Variants in ADGRL2 observed in about 807,000 individuals in gnomAD.
ADGRL2 encodes calcium-independent alpha-latrotoxin receptor 2.
A neutral mutation model predicts 157.4 loss-of-function variants in ADGRL2; 44 were observed. The observed-to-expected ratio is 0.28, with a 90% CI of 0.22 to 0.36. The LOEUF is 0.36. Ranked by LOEUF, ADGRL2 falls within the 10% of genes least tolerant of loss-of-function variation. The pLI, the probability that ADGRL2 is intolerant of heterozygous loss-of-function variation, is 1.00. For synonymous variants in ADGRL2, 585 were observed against 624.7 expected (o/e 0.94, Z 0.95); for missense variants, 1,510 against 1,768.9 (o/e 0.85, Z 2.63).
chr1:81,578,987 C>G (rs1175659716), intron 2 of ADGRL2, among the ~76,000 whole-genome samples: 1 of 152,052 alleles, frequency 6.6e-6, no homozygotes, highest in South Asian at 2.1e-4. Context: ...GATGCTTTTC[C>G]CCAAACACTC....
chr1:81,470,710 A>T (rs2078153146), intron 2 of ADGRL2, among the ~76,000 whole-genome samples: 1 of 152,220 alleles, frequency 6.6e-6, no homozygotes, highest in South Asian at 2.1e-4. Context: ...ATGTCACATG[A>T]TGATGGATGT....
At chr1:81,528,120 T>C (rs186150330) in intron 2 of ADGRL2, among the ~76,000 whole-genome samples, 256 of 152,260 alleles carry the variant, frequency 1.7e-3, no homozygotes, top group African/African-American at 5.8e-3. Flanking sequence ...AGTGAACCCT[T>C]ACCAGACAAC....
At chr1:81,648,391 C>T (rs1220123414) in intron 3 of ADGRL2, among the ~76,000 whole-genome samples, 1 of 152,214 alleles carries the variant, frequency 6.6e-6, no homozygotes, top group South Asian at 2.1e-4. Context: ...CGGTGTGCTG[C>T]CTTCTGCTAC....
intron 2 of ADGRL2, among the ~76,000 whole-genome samples, chr1:81,844,503 C>T (rs1191860636): frequency 6.6e-6 from 1 of 152,208 alleles, no homozygotes; most frequent in Non-Finnish European, 1.5e-5. Flanking sequence ...TCTCAAAAAA[C>T]TGATTTATCT....
Position 81,554,453 on chromosome 1 carries a change from T to C in ADGRL2, c.-247-26423T>C, listed in dbSNP as rs147687621. Reference sequence around the variant, plus strand: ...CCGTAGTTCCTTTCACCTGTCCTGCTATTTCCCCTCTTAGCTATTACTTTC... The same window carrying C: ...CCGTAGTTCCTTTCACCTGTCCTGCCATTTCCCCTCTTAGCTATTACTTTC... On this transcript the variant is annotated intron_variant, in intron 2 of 24. Transcript: ENST00000370721. Among the ~76,000 whole-genome samples the C allele has an allele frequency of 1.8e-4, 27 of 152,132 alleles. 1 individual carries two copies. The East Asian group carries it at 4.8e-3, about 27-fold the overall frequency.
rs569254980 is a variant in ADGRL2 at position 81,540,311 on chromosome 1, T to A, written c.-247-40565T>A. 1.1e-4 allele frequency among the ~76,000 whole-genome samples: 16 copies of A among 152,240 alleles called. No individual in the cohort carries two copies. In the South Asian group the frequency reaches 2.3e-3, roughly 22 times the overall value. On this transcript the variant is annotated intron_variant, in intron 2 of 24. Coordinates refer to the ADGRL2 transcript ENST00000370721. ...AACATGGAATTTAATGGAAAAAAAATTTACTTTAGATTTTTGTCATAATGC... is the reference window on the plus strand; with the variant it reads ...AACATGGAATTTAATGGAAAAAAAAATTACTTTAGATTTTTGTCATAATGC...
At chr1:81,356,143 A>G (rs1381717455) in intron 1 of ADGRL2, among the ~76,000 whole-genome samples, 3 of 152,030 alleles carry the variant, frequency 2.0e-5, no homozygotes, top group Non-Finnish European at 4.4e-5. Context: ...TGTTACTCTC[A>G]CTCCCACCTC....
intron 1 of ADGRL2, among the ~76,000 whole-genome samples, chr1:81,811,512 T>C (rs1273945709): frequency 1.3e-5 from 2 of 151,764 alleles, no homozygotes; most frequent in Admixed American, 1.3e-4. Flanking sequence ...TTCTTAACTT[T>C]CTGTTTTTTG....
At position 81,736,935 on chromosome 1, in the gene ADGRL2, C is replaced by G. The variant is rs149407118; in HGVS notation, c.-142-24876C>G. Among the ~76,000 whole-genome samples, 10 of 152,184 alleles carry G rather than the reference C, an allele frequency of 6.6e-5. No homozygotes were observed. The East Asian group carries it at 1.9e-3, about 29-fold the overall frequency. The stretch of plus-strand genomic sequence containing the variant: ...CTGCAACCTCTGTCTCCCGGGTTCA[C>G]GCCATTCTCCTGCCACAGCCTCTGG... On this transcript the variant is annotated intron_variant, in intron 1 of 20. Transcript: ENST00000359929.
chr1:81,677,719 A>C (rs1431273465), intron 3 of ADGRL2, among the ~76,000 whole-genome samples: 1 of 152,008 alleles, frequency 6.6e-6, no homozygotes, highest in Non-Finnish European at 1.5e-5. Flanking sequence ...CGTGTAATTC[A>C]CCCTTACCCG....
At chr1:81,759,354 G>T (rs914153757) in intron 1 of ADGRL2, among the ~76,000 whole-genome samples, 1 of 152,048 alleles carries the variant, frequency 6.6e-6, no homozygotes. Flanking sequence ...GGATAAAAAT[G>T]ATTGCTATCT....
chr1:81,463,230 A>C (rs907568626), intron 2 of ADGRL2, among the ~76,000 whole-genome samples: 1 of 151,866 alleles, frequency 6.6e-6, no homozygotes, highest in Admixed American at 6.6e-5. Context: ...AGTTGGTGTC[A>C]GACAGATGTG....
intron 1 of ADGRL2, among the ~76,000 whole-genome samples, chr1:81,820,072 C>A (rs1484902821): frequency 6.6e-6 from 1 of 152,058 alleles, no homozygotes; most frequent in Admixed American, 6.6e-5. Flanking sequence ...CTCTTCATAC[C>A]CAGCAATAGT....
intron 1 of ADGRL2, among the ~76,000 whole-genome samples, chr1:81,802,225 C>T (rs577123249): frequency 6.6e-6 from 1 of 152,018 alleles, no homozygotes; most frequent in East Asian, 1.9e-4. Flanking sequence ...CGCTCGCAGA[C>T]GGAGGTAAGA....
intron 2 of ADGRL2, among the ~76,000 whole-genome samples, chr1:81,870,508 C>T (rs2150995293): frequency 6.6e-6 from 1 of 152,162 alleles, no homozygotes; most frequent in East Asian, 1.9e-4. Context: ...CACATTAAAA[C>T]TTCACATTTT....
At chr1:81,406,608 T>G (rs2076857774) in intron 1 of ADGRL2, among the ~76,000 whole-genome samples, 1 of 152,198 alleles carries the variant, frequency 6.6e-6, no homozygotes, top group Admixed American at 6.5e-5. Flanking sequence ...CTAACTCTCT[T>G]CACTCTCAAG....
intron 1 of ADGRL2, among the ~76,000 whole-genome samples, chr1:81,346,457 T>A (rs1276100406): frequency 1.3e-5 from 2 of 152,158 alleles, no homozygotes; most frequent in African/African-American, 4.8e-5. Context: ...ACTATTAACT[T>A]GTGTCTCCTC....
At chr1:81,496,883 A>G (rs2078741471) in intron 2 of ADGRL2, among the ~76,000 whole-genome samples, 1 of 152,158 alleles carries the variant, frequency 6.6e-6, no homozygotes, top group Non-Finnish European at 1.5e-5. Flanking sequence ...ACAATTTAAG[A>G]GGAAAACAAT....
chr1:81,515,157 C>T lies in ADGRL2; in HGVS notation c.-247-65719C>T, dbSNP rs2079151402. The T allele has an allele frequency of 2.0e-5, 3 of 152,114 alleles. No homozygotes were observed. In the South Asian group the frequency reaches 6.2e-4, roughly 32 times the overall value. 9.4% of individuals were successfully genotyped at this position (152,114 alleles called of 1,614,324 possible). On this transcript the variant is annotated intron_variant, in intron 2 of 24. Transcript: ENST00000370721. ...TTCAGGCAATGATGTATCTTCTGGTCAGTGGGTCCCTCCACATCACCACAA... is the reference window on the plus strand; with the variant it reads ...TTCAGGCAATGATGTATCTTCTGGTTAGTGGGTCCCTCCACATCACCACAA...
Sources: gnomAD v4.1 joint callset for allele counts (sites outside exome capture counted in the v4.1 genomes callset) on GRCh38, gnomAD v4.1.1 for gene constraint, MANE v1.5 for transcripts, NCBI Gene and HGNC (gene_info 2026-07-23, HGNC 2026-07-21) for gene names.